The following GRIK4 variants were observed in gnomAD, a reference collection of about 807,000 sequenced individuals.
GRIK4 encodes the protein glutamate receptor ionotropic, kainate 4.
GRIK4 carries 40 observed loss-of-function variants against 104.9 expected under a neutral mutation model. That is an observed-to-expected ratio of 0.38 (90% CI 0.30 to 0.50). The LOEUF is 0.50. Ranked by LOEUF, GRIK4 falls within the 20% of genes least tolerant of loss-of-function variation. The pLI, the probability that GRIK4 is intolerant of heterozygous loss-of-function variation, is 0.93. For synonymous variants in GRIK4, 485 were observed against 524.9 expected (o/e 0.92, Z 1.04); for missense variants, 1,047 against 1,308.1 (o/e 0.80, Z 3.08).
In GRIK4 at chr11:120,903,539, G is replaced by A. The variant is rs1022841794; in HGVS notation, c.1273-1751G>A. ...CTCCTCTTTTCTCCCCTTTTCCAGG[G>A]ATTTTCCCTTCCTGCCTGTAAATAC... On this transcript the variant is annotated intron_variant, in intron 12 of 20. Coordinates refer to ENST00000527524, the MANE Select transcript of GRIK4 (RefSeq NM_014619.5). The surrounding 1 kb of genome is among the most constrained non-coding windows in gnomAD (Gnocchi z 4.4). 1.3e-5 allele frequency among the ~76,000 whole-genome samples: 2 copies of A among 151,974 alleles called. No individual in the cohort carries two copies. Among genetic ancestry groups the A allele is most frequent in the African/African-American group, 4.8e-5 (2 of 41,358 alleles).
At chr11:120,571,137 T>G (rs1277311101) in intron 1 of GRIK4, among the ~76,000 whole-genome samples, 1 of 152,218 alleles carries the variant, frequency 6.6e-6, no homozygotes, top group Non-Finnish European at 1.5e-5. Context: ...TTCCTGGGAC[T>G]TCCCTTGGCC....
In GRIK4 at chr11:120,768,144, G is replaced by C. The variant is rs181311467; in HGVS notation, c.83-34549G>C. ...TTAAACCTATGTATTGCTTTGGGTAGTATGGGCATTTTAACAATATTATTC... is the reference window on the plus strand; with the variant it reads ...TTAAACCTATGTATTGCTTTGGGTACTATGGGCATTTTAACAATATTATTC... On this transcript the variant is annotated intron_variant, in intron 3 of 20. Transcript: ENST00000527524. 1.0e-3 allele frequency among the ~76,000 whole-genome samples: 159 copies of C among 152,070 alleles called. 1 individual carries two copies. Among genetic ancestry groups the C allele is most frequent in the Non-Finnish European group, 1.9e-3 (132 of 67,972 alleles).
intron 2 of GRIK4, among the ~76,000 whole-genome samples, chr11:120,657,941 A>C (rs1949739410): frequency 6.6e-6 from 1 of 152,216 alleles, no homozygotes; most frequent in East Asian, 1.9e-4. Flanking sequence ...ACCAGAGAAC[A>C]TCACCAGCAC....
At chr11:120,960,816 G>T in intron 16 of GRIK4, 93 bp from the exon 17 acceptor site, 1 of 927,468 alleles carries the variant, frequency 1.1e-6, no homozygotes, top group Non-Finnish European at 1.6e-6. Flanking sequence ...AAAGATGCCT[G>T]GTCTCTCCCA....
intron 19 of GRIK4, among the ~76,000 whole-genome samples, chr11:120,979,383 T>G (rs970251342): frequency 3.3e-5 from 5 of 152,228 alleles, no homozygotes; most frequent in African/African-American, 1.2e-4. Flanking sequence ...TAACTGTTTC[T>G]TGCCACTCAG....
intron 8 of GRIK4, among the ~76,000 whole-genome samples, chr11:120,838,572 G>A (rs1405377899): frequency 2.6e-5 from 4 of 151,876 alleles, no homozygotes; most frequent in Admixed American, 2.6e-4. Flanking sequence ...GATGCTGGTT[G>A]AATAATAGTC....
At chr11:120,589,396 A>G (rs1261846525) in intron 1 of GRIK4, among the ~76,000 whole-genome samples, 1 of 152,176 alleles carries the variant, frequency 6.6e-6, no homozygotes, top group East Asian at 1.9e-4. Context: ...TCTAAATGCC[A>G]AGGGCTTTTC....
At chr11:120,738,255 A>G (rs752979) in intron 3 of GRIK4, among the ~76,000 whole-genome samples, 113,807 of 152,184 alleles carry the variant, frequency 0.75, 42,928 homozygotes, top group Middle Eastern at 0.85. Context: ...TTACCCATGG[A>G]CTTTGGTGCA....
At chr11:120,618,207 T>C (rs1174473822) in intron 1 of GRIK4, among the ~76,000 whole-genome samples, 1 of 152,192 alleles carries the variant, frequency 6.6e-6, no homozygotes, top group Non-Finnish European at 1.5e-5. Flanking sequence ...CTTCCTAGTG[T>C]CCCTGTTCTA....
intron 3 of GRIK4, among the ~76,000 whole-genome samples, chr11:120,714,845 G>T (rs1430023870): frequency 6.6e-6 from 1 of 152,198 alleles, no homozygotes; most frequent in East Asian, 1.9e-4. Flanking sequence ...AGATCATAAA[G>T]GCTCTTAGGA....
chr11:120,984,087 C>G (rs1944696843), intron 20 of GRIK4, among the ~76,000 whole-genome samples: 2 of 152,126 alleles, frequency 1.3e-5, no homozygotes, highest in Admixed American at 6.5e-5. Flanking sequence ...TCTGTAGCTG[C>G]CTCACATTTT....
chr11:120,823,980 C>T (rs969477563), intron 6 of GRIK4, among the ~76,000 whole-genome samples: 1 of 152,108 alleles, frequency 6.6e-6, no homozygotes, highest in Non-Finnish European at 1.5e-5. Context: ...AATGAGGGAC[C>T]GAAGGGAAAT....
intron 3 of GRIK4, among the ~76,000 whole-genome samples, chr11:120,775,602 G>A (rs982635856): frequency 6.6e-6 from 1 of 152,256 alleles, no homozygotes; most frequent in African/African-American, 2.4e-5. Context: ...AATTTACAGT[G>A]TACTGATTAG....
At chr11:120,580,325 G>A (rs1009608620) in intron 1 of GRIK4, among the ~76,000 whole-genome samples, 18 of 150,048 alleles carry the variant, frequency 1.2e-4, no homozygotes, top group African/African-American at 4.4e-4. Flanking sequence ...ACCCACACTG[G>A]AGTGCAGTGG....
In GRIK4 at chr11:120,554,349, G is replaced by A. The variant is rs533113300; in HGVS notation, c.-159+42462G>A. ...GAAAGCCCATGCAGCATCTCCTGGC[G>A]TAGTAAGTGCAGGTGGGGTCAGGCC... On this transcript the variant is annotated intron_variant, in intron 1 of 20. Coordinates refer to ENST00000527524, the MANE Select transcript of GRIK4 (RefSeq NM_014619.5). Among the ~76,000 whole-genome samples, 7 of 152,276 alleles carry A rather than the reference G, an allele frequency of 4.6e-5. No individual in the cohort carries two copies. In the South Asian group the frequency reaches 6.2e-4, roughly 14 times the overall value.
chr11:120,687,541 G>T (rs1950294872), intron 3 of GRIK4, among the ~76,000 whole-genome samples: 1 of 151,866 alleles, frequency 6.6e-6, no homozygotes, highest in Non-Finnish European at 1.5e-5. Context: ...TGTTGTTGTT[G>T]TTTTTTCCCT....
chr11:120,544,572 C>A (rs1219210904), intron 1 of GRIK4, among the ~76,000 whole-genome samples: 1 of 152,164 alleles, frequency 6.6e-6, no homozygotes, highest in Non-Finnish European at 1.5e-5. Flanking sequence ...CTCAGGTGAT[C>A]CACCTGCCTC....
intron 1 of GRIK4, among the ~76,000 whole-genome samples, chr11:120,550,530 G>A (rs559028013): frequency 6.6e-6 from 1 of 152,220 alleles, no homozygotes; most frequent in Admixed American, 6.5e-5. Context: ...AATGTAGGAG[G>A]GGATACAGAT....
intron 11 of GRIK4, among the ~76,000 whole-genome samples, chr11:120,883,591 T>C (rs1197079385): frequency 6.6e-6 from 1 of 152,244 alleles, no homozygotes; most frequent in Non-Finnish European, 1.5e-5. Flanking sequence ...CCTGCCTTCC[T>C]GGCCCATGTA....
Sources: allele counts gnomAD v4.1 joint callset (sites outside exome capture counted in the v4.1 genomes callset), GRCh38; gene constraint gnomAD v4.1.1; non-coding constraint Gnocchi (gnomAD v3.1); transcripts MANE v1.5; gene names NCBI Gene and HGNC (gene_info 2026-07-23, HGNC 2026-07-21).